Variants in VARS2 observed in about 807,000 individuals in gnomAD.
The protein encoded by VARS2 is valine--tRNA ligase, mitochondrial.
In VARS2, 105 loss-of-function variants were observed where a neutral mutation model predicts 154.1. The ratio of observed to expected loss-of-function variants is 0.68; its 90% CI spans 0.58 to 0.80. VARS2 has a LOEUF of 0.80. Among genes scored for constraint, VARS2 ranks in the 30% least tolerant of loss-of-function variants. VARS2 has a pLI of 0.00. For synonymous variants in VARS2, 483 were observed against 539.5 expected, an observed-to-expected ratio of 0.90 and a Z score of 1.45; for missense variants, 1,157 against 1,361.4, an observed-to-expected ratio of 0.85 and a Z score of 2.36.
chr6:30,920,197 T>C lies in VARS2; in HGVS notation c.1274T>C (p.Leu425Pro). 6.3e-7 allele frequency: 1 copy of C among 1,581,780 alleles called. No homozygotes were observed. Among genetic ancestry groups the C allele is most frequent in the Non-Finnish European group, 8.6e-7 (1 of 1,162,988 alleles). Residue 425 changes from leucine (L) to proline (P), a missense_variant, in exon 13 of 30, where the codon CTC becomes CCC. Transcript: ENST00000676266. This position sits in a 1 kb window ranked among gnomAD's most constrained non-coding sequence, Gnocchi z 4.6. ...VIAEDGTMTS[L>P]CGDWLQGLHR... is the part of the protein sequence containing the mutation. Reference sequence around the variant, plus strand: ...GCGGAGGATGGGACCATGACCTCCCTCTGCGGGGACTGGCTGCAGGTGGTA... The same window carrying C: ...GCGGAGGATGGGACCATGACCTCCCCCTGCGGGGACTGGCTGCAGGTGGTA...
intron 19 of VARS2, 56 bp from the exon 20 acceptor site, chr6:30,922,059 AC>A: frequency 1.2e-6 from 2 of 1,612,152 alleles, no homozygotes; most frequent in Non-Finnish European, 1.7e-6. Context: ...CTGGGCCCCC[AC>A]AGAGGCTTGA....
At position 30,919,688 on chromosome 6, in the gene VARS2, CT is replaced by C. The variant is rs1028690437; in HGVS notation, c.1075-69del. The C allele has an allele frequency of 3.2e-6, 4 of 1,253,752 alleles. No homozygotes were observed. Among genetic ancestry groups the C allele is most frequent in the Admixed American group, 2.7e-5 (1 of 36,750 alleles). The allele number at this position is 1,253,752 out of a possible 1,614,324, so 77.7% of individuals were successfully genotyped here. ...TTTCTACCTTCTTATTCCTGGGGTTCTCACGCCCCAGCCCAGACCCTTCCAA... is the reference window on the plus strand; with the variant it reads ...TTTCTACCTTCTTATTCCTGGGGTTCCACGCCCCAGCCCAGACCCTTCCAA... On this transcript the variant is annotated intron_variant, in intron 11 of 29. Coordinates refer to ENST00000676266, the MANE Select transcript of VARS2 (RefSeq NM_020442.6). The surrounding 1 kb of genome is among the most constrained non-coding windows in gnomAD (Gnocchi z 4.5).
Position 30,923,440 on chromosome 6 carries a change from G to T in VARS2, c.2401G>T (p.Glu801Ter). Residue 801 changes from glutamate to a stop codon, truncating the protein, a stop_gained, in exon 25 of 30, where the codon GAG becomes TAG. Coordinates refer to ENST00000676266, the MANE Select transcript of VARS2 (RefSeq NM_020442.6). LOFTEE classifies it high-confidence loss of function. ...QECERGFLTR[E>*]LSLVTHALHH... is the part of the protein sequence containing the mutation. Reference sequence around the variant, plus strand: ...GTGTGAGCGGGGCTTCCTCACCCGAGAGCTCTCGCTCGTCACTCATGCCCT... The same window carrying T: ...GTGTGAGCGGGGCTTCCTCACCCGATAGCTCTCGCTCGTCACTCATGCCCT... 1 of 1,612,276 alleles carries T rather than the reference G, an allele frequency of 6.2e-7. No homozygotes were observed. Among genetic ancestry groups the T allele is most frequent in the South Asian group, 1.1e-5 (1 of 91,086 alleles).
At position 30,916,983 on chromosome 6, in the gene VARS2, C is replaced by G. The variant is rs777138090; in HGVS notation, c.753+24C>G. On this transcript the variant is annotated intron_variant, in intron 8 of 29. Transcript: ENST00000676266. The surrounding 1 kb of genome is among the most constrained non-coding windows in gnomAD (Gnocchi z 4.0). ...TTGTGAGTGTTCTGTGCCTTGGTCC[C>G]TGTGAGTGATGGGCGATGTTTAGGG... 6.2e-7 allele frequency: 1 copy of G among 1,614,030 alleles called. No individual in the cohort carries two copies. Among genetic ancestry groups the G allele is most frequent in the Admixed American group, 1.7e-5 (1 of 60,018 alleles).
In VARS2 at chr6:30,923,399, C is replaced by A. The variant is rs1375943574; in HGVS notation, c.2360C>A (p.Ala787Asp). The change falls in exon 25 of 30, where the codon GCC becomes GAC. Residue 787 changes from alanine (A) to aspartate (D), a missense_variant. Coordinates refer to ENST00000676266, the MANE Select transcript of VARS2 (RefSeq NM_020442.6). ...GATGCCTGGATCCTGAGCCGCCTTGCCCTGGCTGCCCAGGAGTGTGAGCGG... is the reference window on the plus strand; with the variant it reads ...GATGCCTGGATCCTGAGCCGCCTTGACCTGGCTGCCCAGGAGTGTGAGCGG... ...PMDAWILSRL[A>D]LAAQECERGF... The A allele has an allele frequency of 1.9e-6, 3 of 1,612,100 alleles. No individual in the cohort carries two copies. The East Asian group carries it at 6.7e-5, about 36-fold the overall frequency.
Position 30,915,150 on chromosome 6 carries a change from TCTC to T in VARS2, c.202-5_202-3del. 1 of 1,614,108 alleles carries T rather than the reference TCTC, an allele frequency of 6.2e-7. No homozygotes were observed. The highest frequency in any genetic ancestry group is 2.2e-5 in the East Asian group (1 of 44,892). On this transcript the variant is annotated splice_region_variant and splice_polypyrimidine_tract_variant and intron_variant, in intron 2 of 29. Coordinates refer to ENST00000676266, the MANE Select transcript of VARS2 (RefSeq NM_020442.6). ...GATCCCAGCCTCTTCTGCTTTCTCT[TCTC>T]AGTCACCTGCAGAATCCATTAAGGC...
chr6:30,915,604 C>A, intron 4 of VARS2, 142 bp from the exon 5 acceptor site: 1 of 1,481,596 alleles, frequency 6.7e-7, no homozygotes, highest in Non-Finnish European at 9.1e-7. Flanking sequence ...CAGGTTCCCC[C>A]TGGCCAATTC....
intron 19 of VARS2, 33 bp downstream of exon 19, chr6:30,922,028 G>C: frequency 1.2e-6 from 2 of 1,612,978 alleles, no homozygotes; most frequent in Non-Finnish European, 1.7e-6. Context: ...AAGTGAAGGG[G>C]AAACGATAAG....
At position 30,919,303 on chromosome 6, in the gene VARS2, G is replaced by A. The variant is rs1338170309; in HGVS notation, c.1074+388G>A. 1 of 186,614 alleles carries A rather than the reference G, an allele frequency of 5.4e-6. No individual in the cohort carries two copies. The highest frequency in any genetic ancestry group is 1.3e-4 in the East Asian group (1 of 7,760). The allele number at this position is 186,614 out of a possible 1,614,324, so 11.6% of individuals were successfully genotyped here. ...TGCCACCACACCCAGCTAATTTTTT[G>A]TATTTTTACAAAAATTAGTAATTAA... On this transcript the variant is annotated intron_variant, in intron 11 of 29. Transcript: ENST00000676266. This position sits in a 1 kb window ranked among gnomAD's most constrained non-coding sequence, Gnocchi z 4.5.
Position 30,917,296 on chromosome 6 carries a change from T to C in VARS2, c.873+72T>C, listed in dbSNP as rs1192259229. The C allele has an allele frequency of 8.7e-6, 14 of 1,609,020 alleles. No individual in the cohort carries two copies. The Admixed American group carries it at 2.3e-4, about 27-fold the overall frequency. On this transcript the variant is annotated intron_variant, in intron 9 of 29. Coordinates refer to ENST00000676266, the MANE Select transcript of VARS2 (RefSeq NM_020442.6). This position sits in a 1 kb window ranked among gnomAD's most constrained non-coding sequence, Gnocchi z 4.4. ...GTGGTCAATGATTAAGAGCTCAGAC[T>C]CTGGAGCCAGGGTGCCTGGATTCAA...
At chr6:30,915,918 G>T (rs751973895) in intron 5 of VARS2, 51 bp downstream of exon 5, 1 of 1,614,172 alleles carries the variant, frequency 6.2e-7, no homozygotes, top group Non-Finnish European at 8.5e-7. Context: ...AATAGGAAGG[G>T]CAGGAATGAG....
rs755450437 is a variant in VARS2, at chr6:30,925,374, C to A, written c.2774C>A (p.Ala925Asp). 1 of 1,610,336 alleles carries A rather than the reference C, an allele frequency of 6.2e-7. No individual in the cohort carries two copies. Among genetic ancestry groups the A allele is most frequent in the Non-Finnish European group, 8.5e-7 (1 of 1,178,556 alleles). ...ALRATYQLTK[A>D]RPRVLLQSSE... ...CGAGCCACGTACCAGCTCACCAAAGCCCGGCCCCGAGGTGAGGCAAGGCGG... is the reference window on the plus strand; with the variant it reads ...CGAGCCACGTACCAGCTCACCAAAGACCGGCCCCGAGGTGAGGCAAGGCGG... The change falls in exon 27 of 30, where the codon GCC becomes GAC. Residue 925 changes from alanine (A) to aspartate (D), a missense_variant. Coordinates refer to ENST00000676266, the MANE Select transcript of VARS2 (RefSeq NM_020442.6).
chr6:30,914,600 C>G, intron 1 of VARS2: 1 of 1,234,642 alleles, frequency 8.1e-7, no homozygotes, highest in South Asian at 1.7e-5. Flanking sequence ...ACACTCCGGC[C>G]CTGTTCCGGA....
intron 25 of VARS2, 159 bp downstream of exon 25, chr6:30,923,664 C>A: frequency 8.7e-7 from 1 of 1,150,812 alleles, no homozygotes. Context: ...CTTCCTGGGA[C>A]TGGTTTTGGC....
In VARS2 at chr6:30,926,341, C is replaced by T; in HGVS notation, c.*131C>T. On this transcript the variant is annotated 3_prime_UTR_variant, in exon 30 of 30. Transcript: ENST00000676266. ...CGCCTTCATTGTGTAAATGAGGACACAGACTGGCTTGGTCGCAGTGACTGT... is the reference window on the plus strand; with the variant it reads ...CGCCTTCATTGTGTAAATGAGGACATAGACTGGCTTGGTCGCAGTGACTGT... The T allele has an allele frequency of 1.1e-6, 1 of 942,672 alleles. No homozygotes were observed. Among genetic ancestry groups the T allele is most frequent in the Non-Finnish European group, 1.6e-6 (1 of 617,082 alleles). 58.4% of individuals were successfully genotyped at this position (942,672 alleles called of 1,614,324 possible).
chr6:30,921,132 C>T lies in VARS2; in HGVS notation c.1547C>T (p.Ser516Phe). 1.2e-6 allele frequency: 2 copies of T among 1,613,950 alleles called. No homozygotes were observed. The highest frequency in any genetic ancestry group is 1.7e-6 in the Non-Finnish European group (2 of 1,179,908). ...FHQKNWQHWF[S>F]HIGDWCVSRQ... is the part of the protein sequence containing the mutation. The stretch of plus-strand genomic sequence containing the variant: ...CAGAAGAACTGGCAGCACTGGTTTT[C>T]CCATATTGGGTAAGGGTAGGGTAAG... Residue 516 changes from serine (S) to phenylalanine (F), a missense_variant, in exon 16 of 30, where the codon TCC becomes TTC. Physicochemically the swap from Ser to Phe is radical, Grantham distance 155. Transcript: ENST00000676266. This position sits in a 1 kb window ranked among gnomAD's most constrained non-coding sequence, Gnocchi z 4.6.
intron 1 of VARS2, 53 bp from the exon 2 acceptor site, chr6:30,914,757 G>A: frequency 6.6e-7 from 1 of 1,518,766 alleles, no homozygotes; most frequent in East Asian, 2.3e-5. Flanking sequence ...AACAAGGGGA[G>A]TGACCCTTCT....
rs9262293 is a variant in VARS2 at position 30,918,573 on chromosome 6, C to G, written c.986-254C>G. Among the ~76,000 whole-genome samples, 42,550 of 152,060 alleles carry G rather than the reference C, an allele frequency of 0.28. 6,833 individuals are homozygous for G. Among genetic ancestry groups the G allele is most frequent in the Middle Eastern group, 0.38 (111 of 294 alleles). On this transcript the variant is annotated intron_variant, in intron 10 of 29. Coordinates refer to ENST00000676266, the MANE Select transcript of VARS2 (RefSeq NM_020442.6). ...TATAGTTGCTTTAATTAATGCTGCC[C>G]CCATTTCTTCCATGCAAATTATCAG...
Position 30,921,626 on chromosome 6 carries a change from C to A in VARS2, c.1670C>A (p.Ala557Asp), listed in dbSNP as rs55822421. The A allele has an allele frequency of 5.7e-3, 9,229 of 1,609,212 alleles. 65 individuals carry two copies. Among genetic ancestry groups the A allele is most frequent in the Non-Finnish European group, 5.6e-3 (6,549 of 1,179,024 alleles). The change falls in exon 18 of 30, where the codon GCT becomes GAT. Residue 557 changes from alanine to aspartate, a missense_variant. Physicochemically the swap from Ala to Asp is moderately radical, Grantham distance 126. Coordinates refer to ENST00000676266, the MANE Select transcript of VARS2 (RefSeq NM_020442.6). The surrounding 1 kb of genome is among the most constrained non-coding windows in gnomAD (Gnocchi z 4.6). ...TGTTGGGTGGTTGGGCGGTCAGAGG[C>A]TGAGGCCAGAGAGGTAGCAGCGGAA... is the stretch of plus-strand genomic sequence containing the variant. Reference protein sequence around the residue: ...EDCWVVGRSEAEAREVAAELT... With the variant: ...EDCWVVGRSEDEAREVAAELT...
Sources: allele counts gnomAD v4.1 joint callset (sites outside exome capture counted in the v4.1 genomes callset), GRCh38; gene constraint gnomAD v4.1.1; non-coding constraint Gnocchi (gnomAD v3.1); transcripts MANE v1.5; gene names NCBI Gene and HGNC (gene_info 2026-07-23, HGNC 2026-07-21).